Variants in SLC44A1 observed in about 807,000 individuals in gnomAD.
SLC44A1 encodes choline transporter-like protein 1.
SLC44A1 carries 26 observed loss-of-function variants against 79.3 expected under a neutral mutation model. The observed-to-expected ratio is 0.33, with a 90% CI of 0.24 to 0.46. The LOEUF (loss-of-function observed/expected upper bound fraction) is 0.46. Ranked by LOEUF, SLC44A1 falls within the 20% of genes least tolerant of loss-of-function variation. SLC44A1 has a pLI of 1.00. For missense variants in SLC44A1, 688 were observed against 798.1 expected, an observed-to-expected ratio of 0.86 and a Z score of 1.66; for synonymous variants, 263 against 286.2, an observed-to-expected ratio of 0.92 and a Z score of 0.82.
intron 15 of SLC44A1, among the ~76,000 whole-genome samples, chr9:105,421,560 G>C (rs1829249041): frequency 6.6e-6 from 1 of 150,842 alleles, no homozygotes; most frequent in Admixed American, 6.6e-5. Context: ...CTTGCATTAG[G>C]TTCACAAGAC....
Position 105,361,196 on chromosome 9 carries a change from A to T in SLC44A1, c.766A>T (p.Thr256Ser), listed in dbSNP as rs759908998. 2 of 1,614,056 alleles carry T rather than the reference A, an allele frequency of 1.2e-6. No homozygotes were observed. The highest frequency in any genetic ancestry group is 2.2e-5 in the South Asian group (2 of 91,070). ...ILVILGSLGG[T>S]GVLWWLYAKQ... ...GTTGGGTCTTTTGTCTCCAGGAGGC[A>T]CAGGTGTACTATGGTGGCTGTATGC... Residue 256 changes from threonine (T) to serine (S), a missense_variant, in exon 8 of 16, where the codon ACA becomes TCA. Thr to Ser is a moderately conservative substitution (Grantham distance 58, BLOSUM62 1). Coordinates refer to ENST00000374720, the MANE Select transcript of SLC44A1 (RefSeq NM_080546.5).
chr9:105,288,157 A>C (rs1173914068), intron 1 of SLC44A1, among the ~76,000 whole-genome samples: 1 of 152,198 alleles, frequency 6.6e-6, no homozygotes, highest in East Asian at 1.9e-4. Flanking sequence ...ATGCAATTTC[A>C]AACCATGTTT....
intron 12 of SLC44A1, among the ~76,000 whole-genome samples, chr9:105,373,254 C>T (rs897944387): frequency 1.3e-5 from 2 of 152,126 alleles, no homozygotes; most frequent in Non-Finnish European, 2.9e-5. Context: ...GACCTAGAAA[C>T]AATTTAAGTC....
rs1323107948 is a variant in SLC44A1, at chr9:105,396,382, G to A, written c.*7326G>A. ...GTGAAGGGCATCAAGCAAAATGACA[G>A]GGGCTTCAAAAAACAACCAAAGACA... On this transcript the variant is annotated 3_prime_UTR_variant, in exon 16 of 16. Transcript: ENST00000374720. 3 of 985,308 alleles carry A rather than the reference G, an allele frequency of 3.0e-6. No individual in the cohort carries two copies. The African/African-American group carries it at 5.2e-5, about 17-fold the overall frequency. 61.0% of individuals were successfully genotyped at this position (985,308 alleles called of 1,614,324 possible).
intron 15 of SLC44A1, among the ~76,000 whole-genome samples, chr9:105,433,663 C>T (rs12348967): frequency 0.042 from 6,070 of 146,058 alleles, 399 homozygotes; most frequent in African/African-American, 0.14. Context: ...CAACCCATCT[C>T]CTAGAATTCT....
chr9:105,402,680 T>C lies in SLC44A1; in HGVS notation c.1950+17178T>C, dbSNP rs527777892. 5.9e-4 allele frequency among the ~76,000 whole-genome samples: 5 copies of C among 8,418 alleles called. No individual in the cohort carries two copies. The South Asian group carries it at 0.024, about 41-fold the overall frequency. 5.5% of individuals were successfully genotyped at this position (8,418 alleles called of 152,430 possible). On this transcript the variant is annotated intron_variant, in intron 15 of 15. Transcript: ENST00000374724. Reference sequence around the variant, plus strand: ...AAGGCGTGTGTCGCTTAGGTAGTTGTAGACAAACCTCTCAATGACTCCAAC... The same window carrying C: ...AAGGCGTGTGTCGCTTAGGTAGTTGCAGACAAACCTCTCAATGACTCCAAC...
chr9:105,414,340 C>T (rs1367564666), intron 15 of SLC44A1, among the ~76,000 whole-genome samples: 2 of 152,134 alleles, frequency 1.3e-5, no homozygotes, highest in African/African-American at 4.8e-5. Flanking sequence ...TAGGCGTGAG[C>T]CACCACGCCC....
chr9:105,271,802 C>G (rs530756753), intron 1 of SLC44A1, among the ~76,000 whole-genome samples: 1 of 151,950 alleles, frequency 6.6e-6, no homozygotes, highest in Admixed American at 6.6e-5. Context: ...TTAGTAGAGA[C>G]GGGGTTTCGC....
At chr9:105,401,077 G>T (rs1488202558), downstream of SLC44A1, among the ~76,000 whole-genome samples, 3 of 152,156 alleles carry the variant, frequency 2.0e-5, no homozygotes, top group Admixed American at 2.0e-4. Context: ...GCATACGACA[G>T]TCATCAGCCA....
intron 4 of SLC44A1, among the ~76,000 whole-genome samples, chr9:105,337,918 C>T (rs1826973749): frequency 6.6e-6 from 1 of 152,216 alleles, no homozygotes; most frequent in Non-Finnish European, 1.5e-5. Context: ...GAAGACCCTC[C>T]TGGTGGGTTT....
At chr9:105,308,388 A>T (rs1187823361) in intron 2 of SLC44A1, among the ~76,000 whole-genome samples, 1 of 152,220 alleles carries the variant, frequency 6.6e-6, no homozygotes, top group Non-Finnish European at 1.5e-5. Context: ...AATTTTACAG[A>T]TGAGTAAATT....
chr9:105,361,230 G>C lies in SLC44A1; in HGVS notation c.800G>C (p.Arg267Thr), dbSNP rs1339462785. ...CTATGGTGGCTGTATGCAAAGCAAA[G>C]AAGGTCTCCCAAAGAAACTGTTACT... Reference protein sequence around the residue: ...GVLWWLYAKQRRSPKETVTPE... With the variant: ...GVLWWLYAKQTRSPKETVTPE... The change falls in exon 8 of 16, where the codon AGA (arginine) becomes ACA (threonine). Residue 267 changes from arginine (R) to threonine (T), a missense_variant. By Grantham distance (71) the Arg-to-Thr change is moderately conservative (BLOSUM62 -1). Transcript: ENST00000374720. 6.2e-7 allele frequency: 1 copy of C among 1,614,010 alleles called. No individual in the cohort carries two copies. Among genetic ancestry groups the C allele is most frequent in the African/African-American group, 1.3e-5 (1 of 74,932 alleles).
chr9:105,291,325 C>G (rs1200491804), intron 1 of SLC44A1, among the ~76,000 whole-genome samples: 1 of 152,190 alleles, frequency 6.6e-6, no homozygotes, highest in African/African-American at 2.4e-5. Flanking sequence ...CTGTGTAAAA[C>G]TGGCAGGAGC....
chr9:105,278,829 G>T (rs762825063), intron 1 of SLC44A1, among the ~76,000 whole-genome samples: 22 of 152,100 alleles, frequency 1.4e-4, no homozygotes, highest in Non-Finnish European at 2.5e-4. Flanking sequence ...CGCCTTTAAG[G>T]TCATCTTATA....
intron 1 of SLC44A1, among the ~76,000 whole-genome samples, chr9:105,277,039 C>T (rs180933627): frequency 9.9e-5 from 15 of 152,212 alleles, no homozygotes; most frequent in Non-Finnish European, 1.5e-4. Context: ...GTGACTTGAA[C>T]GAGAGTGGTA....
chr9:105,393,693 G>T lies in SLC44A1; in HGVS notation c.*4637G>T. ...CAAATGATGATTCAGTTTCAATATT[G>T]CATGAACAATTGCCACTTTGTAAAT... On this transcript the variant is annotated 3_prime_UTR_variant, in exon 16 of 16. Transcript: ENST00000374720. 2.0e-5 allele frequency: 20 copies of T among 984,436 alleles called. No individual in the cohort carries two copies. Among genetic ancestry groups the T allele is most frequent in the Non-Finnish European group, 2.4e-5 (20 of 829,114 alleles). The allele number at this position is 984,436 out of a possible 1,614,324, so 61.0% of individuals were successfully genotyped here.
chr9:105,330,976 T>C (rs2131350377), intron 3 of SLC44A1, among the ~76,000 whole-genome samples: 2 of 152,394 alleles, frequency 1.3e-5, no homozygotes, highest in Middle Eastern at 6.8e-3. Flanking sequence ...CTGATCATGC[T>C]ATGTGCATAT....
chr9:105,328,536 C>G (rs903131927), intron 3 of SLC44A1, among the ~76,000 whole-genome samples: 16 of 152,112 alleles, frequency 1.1e-4, no homozygotes, highest in African/African-American at 3.6e-4. Context: ...GGAGACCAGG[C>G]GAAGGTGAGG....
chr9:105,257,305 A>G (rs1829734241), intron 1 of SLC44A1, among the ~76,000 whole-genome samples: 1 of 151,834 alleles, frequency 6.6e-6, no homozygotes, highest in African/African-American at 2.4e-5. Context: ...CATGTTGATC[A>G]GGCTGGTCTC....
Sources: gnomAD v4.1 joint callset for allele counts (sites outside exome capture counted in the v4.1 genomes callset) on GRCh38, gnomAD v4.1.1 for gene constraint, MANE v1.5 for transcripts, NCBI Gene and HGNC (gene_info 2026-07-23, HGNC 2026-07-21) for gene names.